MGRN1: variants seen among roughly 807,000 people sequenced by gnomAD.
MGRN1 encodes the protein E3 ubiquitin-protein ligase MGRN1.
Under a neutral mutation model 69.2 loss-of-function variants are expected in MGRN1, and 29 were observed. The ratio of observed to expected loss-of-function variants is 0.42; its 90% CI spans 0.31 to 0.57. MGRN1 has a LOEUF of 0.57. MGRN1 is among the 20% of genes least tolerant of loss of function. The pLI is 0.15. For synonymous variants in MGRN1, 470 were observed against 344.2 expected, an observed-to-expected ratio of 1.37 and a Z score of -4.04; for missense variants, 998 against 796.2, an observed-to-expected ratio of 1.25 and a Z score of -3.05.
intron 8 of MGRN1, among the ~76,000 whole-genome samples, chr16:4,669,961 C>T (rs1488514156): frequency 7.4e-6 from 1 of 135,262 alleles, no homozygotes; most frequent in Non-Finnish European, 1.7e-5. Flanking sequence ...AACAGTTACT[C>T]CGTGTGTACT....
In MGRN1 at chr16:4,675,283, A is replaced by T. The variant is rs556399930; in HGVS notation, c.955+1626A>T. On this transcript the variant is annotated intron_variant, in intron 10 of 16. Transcript: ENST00000262370. ...CACAGGGCCCTGCCTTGTTTTTAAA[A>T]TTTTTTTTGTAGAGACAGGGTCTTG... 1.3e-4 allele frequency among the ~76,000 whole-genome samples: 20 copies of T among 151,968 alleles called. No homozygotes were observed. The South Asian group carries it at 1.5e-3, about 11-fold the overall frequency.
intron 16 of MGRN1, 127 bp downstream of exon 16, chr16:4,684,059 C>T: frequency 2.4e-6 from 2 of 844,236 alleles, no homozygotes; most frequent in Non-Finnish European, 3.7e-6. Flanking sequence ...CTCTCCCTGG[C>T]TCTCAGCCAT....
intron 10 of MGRN1, among the ~76,000 whole-genome samples, chr16:4,674,823 G>C (rs1196996649): frequency 6.8e-6 from 1 of 146,770 alleles, no homozygotes; most frequent in Non-Finnish European, 1.5e-5. Flanking sequence ...TGTATTTTTA[G>C]TAGAGACGGG....
chr16:4,647,776 T>C (rs969260667), intron 1 of MGRN1, among the ~76,000 whole-genome samples: 2 of 152,160 alleles, frequency 1.3e-5, no homozygotes, highest in Non-Finnish European at 2.9e-5. Context: ...CAGTTGCCGC[T>C]TTCTTCTTTG....
At chr16:4,638,883 C>T (rs1316163876) in intron 1 of MGRN1, among the ~76,000 whole-genome samples, 1 of 152,158 alleles carries the variant, frequency 6.6e-6, no homozygotes, top group Non-Finnish European at 1.5e-5. Flanking sequence ...TGAAGTCCAC[C>T]CCTGGTGTCC....
intron 12 of MGRN1, 84 bp downstream of exon 12, chr16:4,680,181 C>A (rs1297511027): frequency 7.4e-7 from 1 of 1,355,238 alleles, no homozygotes; most frequent in Non-Finnish European, 1.0e-6. Flanking sequence ...TCGTTTCCGC[C>A]CCAGGCTAGT....
chr16:4,649,152 C>T (rs115689180), intron 1 of MGRN1: 1,751 of 152,560 alleles, frequency 0.011, 39 homozygotes, highest in African/African-American at 0.04. Context: ...TACAGCCTCC[C>T]GCCCTCACGC....
chr16:4,648,627 G>A (rs1211862809), intron 1 of MGRN1, among the ~76,000 whole-genome samples: 1 of 95,292 alleles, frequency 1.0e-5, no homozygotes, highest in Non-Finnish European at 2.0e-5. Context: ...TCCTCCTCCC[G>A]GGACTCTTCC....
At chr16:4,687,955 G>C (rs561442385) in intron 16 of MGRN1, 4 of 985,600 alleles carry the variant, frequency 4.1e-6, no homozygotes, top group Non-Finnish European at 4.8e-6. Flanking sequence ...AGACGGCCCC[G>C]GCCTGCGCAT....
intron 5 of MGRN1, among the ~76,000 whole-genome samples, chr16:4,657,672 C>A (rs1011847484): frequency 6.6e-6 from 1 of 150,882 alleles, no homozygotes; most frequent in African/African-American, 2.4e-5. Context: ...AGGGTCTGTT[C>A]ACACCAGGTG....
chr16:4,686,141 GTGTT>G (rs1201598434), intron 16 of MGRN1: 12 of 1,196,082 alleles, frequency 1.0e-5, no homozygotes, highest in Admixed American at 2.4e-5. Flanking sequence ...TTGCAGCAGA[GTGTT>G]TGTTTCTAGA....
At chr16:4,650,665 G>A in intron 2 of MGRN1, 182 bp downstream of exon 2, 1 of 487,030 alleles carries the variant, frequency 2.1e-6, no homozygotes, top group Non-Finnish European at 3.6e-6. Flanking sequence ...TTGTGTCCTG[G>A]TGCTGCCCCC....
chr16:4,664,701 C>A lies in MGRN1; in HGVS notation c.562-8C>A, dbSNP rs199769383. ...GGTCCTGACCATTCTTGGCAACTCTCTCCTCAGCTGAACTTTGACCTGGAC... is the reference window on the plus strand; with the variant it reads ...GGTCCTGACCATTCTTGGCAACTCTATCCTCAGCTGAACTTTGACCTGGAC... On this transcript the variant is annotated splice_region_variant and splice_polypyrimidine_tract_variant and intron_variant, in intron 5 of 16. Transcript: ENST00000262370. 2 of 1,614,096 alleles carry A rather than the reference C, an allele frequency of 1.2e-6. No homozygotes were observed. Among genetic ancestry groups the A allele is most frequent in the African/African-American group, 1.3e-5 (1 of 74,930 alleles).
Position 4,640,374 on chromosome 16 carries a change from C to T in MGRN1, c.89-9991C>T, listed in dbSNP as rs1308944609. On this transcript the variant is annotated intron_variant, in intron 1 of 16. Transcript: ENST00000262370. ...ATGTGTGGAGAGCATTGAGGCTGTT[C>T]GGGGAATGCCTCGAGGCCTCCCACG... The T allele has an allele frequency of 3.3e-5, 5 of 152,364 alleles. No individual in the cohort carries two copies. In the South Asian group the frequency reaches 6.2e-4, roughly 19 times the overall value. 9.4% of individuals were successfully genotyped at this position (152,364 alleles called of 1,614,324 possible). A position where few individuals can be genotyped will look rare whatever the true frequency, so the allele number is the denominator to read the frequency against.
intron 1 of MGRN1, among the ~76,000 whole-genome samples, chr16:4,631,906 GTT>G (rs752844095): frequency 5.5e-5 from 5 of 91,458 alleles, no homozygotes; most frequent in African/African-American, 2.5e-4. Context: ...CTTCTCAGTT[GTT>G]TTTTTTTTTC....
rs1280843771 is a variant in MGRN1 at position 4,683,940 on chromosome 16, G to T, written c.1618+8G>T. 8.2e-6 allele frequency: 13 copies of T among 1,582,978 alleles called. No homozygotes were observed. The highest frequency in any genetic ancestry group is 1.8e-4 in the Middle Eastern group (1 of 5,666). On this transcript the variant is annotated splice_region_variant and intron_variant, in intron 16 of 16. Transcript: ENST00000262370. ...CTGACATCTACCTGCCAGGTAAGGG[G>T]CTGGGGGTCTGGGGGTGAGGGGCTG...
chr16:4,656,744 G>A (rs575581017), intron 4 of MGRN1, among the ~76,000 whole-genome samples: 2 of 152,080 alleles, frequency 1.3e-5, no homozygotes, highest in Non-Finnish European at 2.9e-5. Context: ...GCCTAGCATG[G>A]TGGCGCACAC....
chr16:4,632,851 G>A (rs536936079), intron 1 of MGRN1, among the ~76,000 whole-genome samples: 10 of 152,126 alleles, frequency 6.6e-5, no homozygotes, highest in Admixed American at 3.3e-4. Context: ...GGGAGGCCAG[G>A]GCAGGCAGAT....
At chr16:4,631,097 C>G (rs1046892268) in intron 1 of MGRN1, among the ~76,000 whole-genome samples, 1 of 152,160 alleles carries the variant, frequency 6.6e-6, no homozygotes, top group South Asian at 2.1e-4. Context: ...GCTGGGATTA[C>G]AGGTGTGAGC....
Sources: allele counts gnomAD v4.1 joint callset (sites outside exome capture counted in the v4.1 genomes callset), GRCh38; gene constraint gnomAD v4.1.1; transcripts MANE v1.5; gene names NCBI Gene and HGNC (gene_info 2026-07-23, HGNC 2026-07-21).